Variants in CHD5 observed in about 807,000 individuals in gnomAD.
The protein encoded by CHD5 is chromodomain helicase DNA binding protein 5.
In CHD5, 69 loss-of-function variants were observed where a neutral mutation model predicts 230.3. The observed-to-expected ratio is 0.30, with a 90% CI of 0.25 to 0.37. The LOEUF (loss-of-function observed/expected upper bound fraction) is 0.37, where lower values mean the gene tolerates loss of function less well. Ranked by LOEUF, CHD5 falls within the 10% of genes least tolerant of loss-of-function variation. The pLI, the probability that CHD5 is intolerant of heterozygous loss-of-function variation, is 1.00. For synonymous variants in CHD5, 1,064 were observed against 1,065.9 expected (o/e 1.00, Z 0.03); for missense variants, 1,827 against 2,622.8 (o/e 0.70, Z 6.63).
chr1:6,178,159 G>A (rs1667453643), intron 1 of CHD5, among the ~76,000 whole-genome samples: 1 of 152,160 alleles, frequency 6.6e-6, no homozygotes, highest in African/African-American at 2.4e-5. Context: ...CAGGGCTCTG[G>A]GGGCACTCCT....
intron 1 of CHD5, among the ~76,000 whole-genome samples, chr1:6,170,082 AG>A (rs993960697): frequency 6.6e-6 from 1 of 152,042 alleles, no homozygotes; most frequent in Non-Finnish European, 1.5e-5. Flanking sequence ...CCTTCCCCCG[AG>A]GAAGTTTTTG....
rs1666467120 is a variant in CHD5 at position 6,121,317 on chromosome 1, G to C, written c.4780-80C>G. 1 of 1,559,826 alleles carries C rather than the reference G, an allele frequency of 6.4e-7. No individual in the cohort carries two copies. Among genetic ancestry groups the C allele is most frequent in the Non-Finnish European group, 8.7e-7 (1 of 1,149,304 alleles). On this transcript the variant is annotated intron_variant, in intron 32 of 41. Transcript: ENST00000262450. This position sits in a 1 kb window ranked among gnomAD's most constrained non-coding sequence, Gnocchi z 4.5. ...GGGCGGGGAACGTGCGCTGGGCTGG[G>C]AACCCAGTCTCCTGGCTCCCGTCGC... is the stretch of plus-strand genomic sequence containing the variant.
intron 7 of CHD5, among the ~76,000 whole-genome samples, chr1:6,150,470 ACG>A (rs1388963928): frequency 2.2e-4 from 24 of 111,534 alleles, no homozygotes; most frequent in African/African-American, 8.4e-4. Context: ...GGATGGACGG[ACG>A]GACGGACGGA....
chr1:6,162,449 A>T (rs1667192905), intron 2 of CHD5, among the ~76,000 whole-genome samples: 1 of 152,032 alleles, frequency 6.6e-6, no homozygotes, highest in South Asian at 2.1e-4. Context: ...ACCCGGGAGA[A>T]ACCTAAGCAC....
Position 6,101,958 on chromosome 1 carries a change from C to T in CHD5, c.*3516G>A, listed in dbSNP as rs1292941121. 3 of 416,734 alleles carry T rather than the reference C, an allele frequency of 7.2e-6. No homozygotes were observed. The highest frequency in any genetic ancestry group is 3.4e-4 in the Middle Eastern group (1 of 2,944). The allele number at this position is 416,734 out of a possible 1,614,324, so 25.8% of individuals were successfully genotyped here. ...TGGCTTCCAAAGCTGGACCCGCCCC[C>T]GCCGGGGCCACCCTGGCTGGGACTC... is the stretch of plus-strand genomic sequence containing the variant. On this transcript the variant is annotated 3_prime_UTR_variant, in exon 42 of 42. Coordinates refer to ENST00000262450, the MANE Select transcript of CHD5 (RefSeq NM_015557.3).
At chr1:6,145,162 AC>A (rs1426470737) in intron 11 of CHD5, among the ~76,000 whole-genome samples, 1 of 151,780 alleles carries the variant, frequency 6.6e-6, no homozygotes, top group Non-Finnish European at 1.5e-5. Flanking sequence ...AAATTCCGCG[AC>A]CCTCGTACTG....
chr1:6,142,363 C>T lies in CHD5; in HGVS notation c.2236-35G>A. The T allele has an allele frequency of 1.3e-6, 2 of 1,596,528 alleles. No homozygotes were observed. Among genetic ancestry groups the T allele is most frequent in the South Asian group, 1.1e-5 (1 of 89,792 alleles). On this transcript the variant is annotated intron_variant, in intron 14 of 41. Coordinates refer to ENST00000262450, the MANE Select transcript of CHD5 (RefSeq NM_015557.3). This position sits in a 1 kb window ranked among gnomAD's most constrained non-coding sequence, Gnocchi z 5.2. ...GAGGCCGATGCCGTGAGACCACCTG[C>T]CCTTGGCCAGGACCAGCCACCCCTC... is the stretch of plus-strand genomic sequence containing the variant.
chr1:6,168,421 G>T, intron 1 of CHD5, 144 bp from the exon 2 acceptor site: 1 of 939,744 alleles, frequency 1.1e-6, no homozygotes, highest in Non-Finnish European at 1.6e-6. Flanking sequence ...CCCAAACCCA[G>T]TGAAGTGAGA....
chr1:6,166,628 C>T (rs1321152896), intron 2 of CHD5, among the ~76,000 whole-genome samples: 2 of 152,132 alleles, frequency 1.3e-5, no homozygotes, highest in Non-Finnish European at 2.9e-5. Flanking sequence ...CCCAGGCTGA[C>T]ACCCAGACCA....
intron 7 of CHD5, among the ~76,000 whole-genome samples, 182 bp downstream of exon 7, chr1:6,150,850 T>C (rs1666995635): frequency 6.6e-6 from 1 of 152,072 alleles, no homozygotes; most frequent in African/African-American, 2.4e-5. Flanking sequence ...CAGGGCCGTG[T>C]GGGAAACACA....
intron 33 of CHD5, among the ~76,000 whole-genome samples, chr1:6,116,747 T>C (rs550394556): frequency 1.3e-5 from 2 of 152,242 alleles, no homozygotes; most frequent in African/African-American, 4.8e-5. Context: ...AAAATAACAA[T>C]GAGAGAATTT....
chr1:6,108,061 GGATGGAGGGATGATGGAGA>G (rs1666224128), intron 38 of CHD5, among the ~76,000 whole-genome samples: 1 of 140,174 alleles, frequency 7.1e-6, no homozygotes, highest in African/African-American at 2.7e-5. Flanking sequence ...AGGGATGGAG[GGATGGAGGGATGATGGAGA>G]GATGGAGGGA....
rs940636901 is a variant in CHD5, at chr1:6,131,550, G to A, written c.3262+81C>T. On this transcript the variant is annotated intron_variant, in intron 21 of 41. Coordinates refer to ENST00000262450, the MANE Select transcript of CHD5 (RefSeq NM_015557.3). This position sits in a 1 kb window ranked among gnomAD's most constrained non-coding sequence, Gnocchi z 5.0. ...AGGCTGCTCAACACAACACCAGCTG[G>A]GTGACCTGGCTAAGAACCAGGCCTG... The A allele has an allele frequency of 3.0e-5, 24 of 789,558 alleles. 2 individuals carry two copies. In the South Asian group the frequency reaches 3.7e-4, roughly 12 times the overall value. 48.9% of individuals were successfully genotyped at this position (789,558 alleles called of 1,614,324 possible). A position where few individuals can be genotyped will look rare whatever the true frequency, so the allele number is the denominator to read the frequency against.
chr1:6,166,593 G>C (rs1034443075), intron 2 of CHD5, among the ~76,000 whole-genome samples: 1 of 152,236 alleles, frequency 6.6e-6, no homozygotes, highest in East Asian at 1.9e-4. Flanking sequence ...ACACAGTCCA[G>C]GGCGGGCTCT....
chr1:6,179,970 C>T lies in CHD5; in HGVS notation c.54G>A (p.Glu18=). The T allele has an allele frequency of 7.3e-7, 1 of 1,378,440 alleles. No individual in the cohort carries two copies. Among genetic ancestry groups the T allele is most frequent in the Non-Finnish European group, 9.5e-7 (1 of 1,052,478 alleles). The allele number at this position is 1,378,440 out of a possible 1,614,324, so 85.4% of individuals were successfully genotyped here. A position where few individuals can be genotyped will look rare whatever the true frequency, so the allele number is the denominator to read the frequency against. ...EEELPRLFAE[E]MENEDEMSEE... is the part of the protein sequence containing the mutation. ...CTGACATCTCGTCCTCATTCTCCAT[C>T]TCCTCGGCGAACAGCCGCGGCAGCT... The change falls in exon 1 of 42, where the codon GAG becomes GAA. Residue 18 remains glutamate (E), a synonymous_variant. Coordinates refer to ENST00000262450, the MANE Select transcript of CHD5 (RefSeq NM_015557.3).
rs958589893 is a variant in CHD5 at position 6,120,437 on chromosome 1, G to A, written c.4912+668C>T. On this transcript the variant is annotated intron_variant, in intron 33 of 41. Transcript: ENST00000262450. Reference sequence around the variant, plus strand: ...CAATCCCAACACTGTGGGAGGCCGAGGTGGGTGGATCACTTGAGGTCAGGA... The same window carrying A: ...CAATCCCAACACTGTGGGAGGCCGAAGTGGGTGGATCACTTGAGGTCAGGA... Among the ~76,000 whole-genome samples, 5 of 151,616 alleles carry A rather than the reference G, an allele frequency of 3.3e-5. 1 individual carries two copies. In the South Asian group the frequency reaches 1.0e-3, roughly 32 times the overall value.
chr1:6,171,232 C>T (rs1428995926), intron 1 of CHD5, among the ~76,000 whole-genome samples: 1 of 152,220 alleles, frequency 6.6e-6, no homozygotes, highest in African/African-American at 2.4e-5. Context: ...CAAAGGGGGA[C>T]CCCTGCTCTG....
intron 15 of CHD5, among the ~76,000 whole-genome samples, chr1:6,138,325 C>T (rs986576266): frequency 2.7e-5 from 4 of 150,942 alleles, no homozygotes; most frequent in African/African-American, 4.9e-5. Context: ...TGCAGTGAGC[C>T]GAGATCACAC....
intron 40 of CHD5, 39 bp from the exon 41 acceptor site, chr1:6,106,326 G>T (rs770579269): frequency 6.8e-6 from 11 of 1,612,612 alleles, no homozygotes; most frequent in Non-Finnish European, 8.5e-7. Flanking sequence ...GCCTGACGTT[G>T]GCAGCAGCAG....
Sources: gnomAD v4.1 joint callset for allele counts (sites outside exome capture counted in the v4.1 genomes callset) on GRCh38, gnomAD v4.1.1 for gene constraint, Gnocchi (gnomAD v3.1) non-coding constraint, MANE v1.5 for transcripts, NCBI Gene and HGNC (gene_info 2026-07-23, HGNC 2026-07-21) for gene names.